Variants in DSCAM observed in about 807,000 individuals in gnomAD.
DSCAM encodes the protein cell adhesion molecule DSCAM.
A neutral mutation model predicts 217.7 loss-of-function variants in DSCAM; 47 were observed. The ratio of observed to expected loss-of-function variants is 0.22; its 90% confidence interval spans 0.17 to 0.28. DSCAM has a LOEUF of 0.28. Ranked by LOEUF, DSCAM falls within the 10% of genes least tolerant of loss-of-function variation. DSCAM has a pLI of 1.00. For missense variants in DSCAM, 2,080 were observed against 2,618.3 expected (o/e 0.79, Z 4.49); for synonymous variants, 1,056 against 1,015.3 (o/e 1.04, Z -0.76).
chr21:40,703,026 C>T (rs1311024766), intron 2 of DSCAM, among the ~76,000 whole-genome samples: 2 of 151,992 alleles, frequency 1.3e-5, no homozygotes, highest in African/African-American at 4.8e-5. Flanking sequence ...TAAAATATTG[C>T]AATTTTTTAA....
intron 3 of DSCAM, among the ~76,000 whole-genome samples, chr21:40,517,940 G>A (rs1416956276): frequency 6.6e-6 from 1 of 152,032 alleles, no homozygotes; most frequent in Non-Finnish European, 1.5e-5. Flanking sequence ...CCCTGCACAT[G>A]GCTCTGAGTA....
chr21:40,785,200 C>T (rs2091582106), intron 1 of DSCAM, among the ~76,000 whole-genome samples: 1 of 152,250 alleles, frequency 6.6e-6, no homozygotes, highest in Non-Finnish European at 1.5e-5. Context: ...CTGCACCACA[C>T]TGATGAGCAA....
intron 3 of DSCAM, among the ~76,000 whole-genome samples, chr21:40,420,923 G>A (rs1339885827): frequency 1.3e-5 from 2 of 152,150 alleles, no homozygotes; most frequent in African/African-American, 4.8e-5. Flanking sequence ...CCAAAACTGG[G>A]AGATGATGCA....
chr21:40,677,597 A>G (rs2090355109), intron 3 of DSCAM, among the ~76,000 whole-genome samples: 1 of 152,198 alleles, frequency 6.6e-6, no homozygotes, highest in South Asian at 2.1e-4. Context: ...CTATTAAAAA[A>G]ATATGTATAT....
At chr21:40,112,347 A>G (rs562885802) in intron 20 of DSCAM, among the ~76,000 whole-genome samples, 14 of 152,026 alleles carry the variant, frequency 9.2e-5, no homozygotes, top group African/African-American at 3.4e-4. Context: ...AGGCAGAAAT[A>G]AAGATGTTCC....
intron 3 of DSCAM, among the ~76,000 whole-genome samples, chr21:40,679,679 C>T (rs2146419952): frequency 6.6e-6 from 1 of 152,204 alleles, no homozygotes. Flanking sequence ...AAGATCCTTT[C>T]ATTCTGCCTT....
At chr21:40,152,729 GT>G (rs2090436684) in intron 16 of DSCAM, among the ~76,000 whole-genome samples, 1 of 152,266 alleles carries the variant, frequency 6.6e-6, no homozygotes, top group Admixed American at 6.5e-5. Flanking sequence ...CAAGCCGCCT[GT>G]GGCAGATGCA....
intron 11 of DSCAM, among the ~76,000 whole-genome samples, chr21:40,201,349 C>T (rs1003277159): frequency 2.7e-5 from 4 of 148,536 alleles, no homozygotes; most frequent in East Asian, 2.0e-4. Flanking sequence ...TCCTCTAACT[C>T]GCATGGAGGC....
chr21:40,518,337 A>T (rs2076319813), intron 3 of DSCAM, among the ~76,000 whole-genome samples: 1 of 80,542 alleles, frequency 1.2e-5, no homozygotes. Flanking sequence ...CCATCTGCAC[A>T]TATTTTCAAT....
intron 32 of DSCAM, among the ~76,000 whole-genome samples, chr21:40,030,217 C>CT (rs369575340): frequency 5.9e-5 from 9 of 152,306 alleles, no homozygotes; most frequent in African/African-American, 2.2e-4. Flanking sequence ...GCTCCTCTGT[C>CT]TTTTTTTGCC....
At chr21:40,109,876 G>A (rs144313597) in intron 20 of DSCAM, among the ~76,000 whole-genome samples, 244 of 152,290 alleles carry the variant, frequency 1.6e-3, no homozygotes, top group African/African-American at 5.3e-3. Context: ...GGGGAGGGGC[G>A]CCCACCATTG....
chr21:40,457,219 A>G (rs903994759), intron 3 of DSCAM, among the ~76,000 whole-genome samples: 1 of 152,186 alleles, frequency 6.6e-6, no homozygotes, highest in African/African-American at 2.4e-5. Flanking sequence ...ATTTGGAAAA[A>G]GAAGAAGGCT....
At chr21:40,693,112 T>C (rs1257203965) in intron 2 of DSCAM, among the ~76,000 whole-genome samples, 156 bp from the exon 3 acceptor site, 1 of 152,228 alleles carries the variant, frequency 6.6e-6, no homozygotes, top group Admixed American at 6.5e-5. Context: ...ACGTCTTTCA[T>C]CGCCTGACTT....
chr21:40,513,166 GCTGGGATTCTTACATCGA>G (rs370023077), intron 3 of DSCAM: 26 of 152,344 alleles, frequency 1.7e-4, no homozygotes, highest in African/African-American at 6.3e-4. Flanking sequence ...CTCCCAAAGT[GCTGGGATTCTTACATCGA>G]CTGCATAGAA....
chr21:40,180,036 A>G (rs2090782214), intron 14 of DSCAM, among the ~76,000 whole-genome samples: 1 of 152,156 alleles, frequency 6.6e-6, no homozygotes, highest in African/African-American at 2.4e-5. Context: ...GATAATCTGA[A>G]TCTGTGTTCC....
At chr21:40,656,115 T>C (rs1236730029) in intron 3 of DSCAM, among the ~76,000 whole-genome samples, 1 of 152,182 alleles carries the variant, frequency 6.6e-6, no homozygotes, top group Non-Finnish European at 1.5e-5. Context: ...GATGTAATCA[T>C]TTCCTTAGTG....
In DSCAM at chr21:40,339,517, A is replaced by G. The variant is rs2074466068; in HGVS notation, c.1211-102T>C. 7 of 1,191,856 alleles carry G rather than the reference A, an allele frequency of 5.9e-6. No homozygotes were observed. The Admixed American group carries it at 1.1e-4, about 19-fold the overall frequency. 73.8% of individuals were successfully genotyped at this position (1,191,856 alleles called of 1,614,324 possible). A position where few individuals can be genotyped will look rare whatever the true frequency, so the allele number is the denominator to read the frequency against. The stretch of plus-strand genomic sequence containing the variant: ...CTAGGGGGTAAATGTCGTAGTTGTT[A>G]AACATTACCAAAAAGGTCTGGTTTT... On this transcript the variant is annotated intron_variant, in intron 6 of 32. Coordinates refer to ENST00000400454, the MANE Select transcript of DSCAM (RefSeq NM_001389.5).
intron 11 of DSCAM, among the ~76,000 whole-genome samples, chr21:40,264,472 T>C (rs999489045): frequency 3.3e-5 from 5 of 152,138 alleles, no homozygotes; most frequent in African/African-American, 1.2e-4. Context: ...ATCATCTCAA[T>C]AGAGGCAGAA....
At chr21:40,042,981 G>A (rs976965102) in intron 31 of DSCAM, among the ~76,000 whole-genome samples, 1 of 152,216 alleles carries the variant, frequency 6.6e-6, no homozygotes, top group Non-Finnish European at 1.5e-5. Flanking sequence ...GAAAACAGTA[G>A]GAGCCAGGCA....
Sources: allele counts gnomAD v4.1 joint callset (sites outside exome capture counted in the v4.1 genomes callset), GRCh38; gene constraint gnomAD v4.1.1; transcripts MANE v1.5; gene names NCBI Gene and HGNC (gene_info 2026-07-23, HGNC 2026-07-21).